The following GRAMD2B variants were observed in gnomAD, a reference collection of about 807,000 sequenced individuals.
The protein encoded by GRAMD2B is GRAM domain-containing protein 2B.
A neutral mutation model predicts 59.2 loss-of-function variants in GRAMD2B; 41 were observed. The observed-to-expected ratio is 0.69, with a 90% CI of 0.54 to 0.90. The LOEUF is 0.90. GRAMD2B is among the 40% of genes least tolerant of loss of function. The pLI is 0.00. For missense variants in GRAMD2B, 424 were observed against 500.5 expected, an observed-to-expected ratio of 0.85 and a Z score of 1.46; for synonymous variants, 161 against 182.7, an observed-to-expected ratio of 0.88 and a Z score of 0.96.
chr5:126,376,026 G>A (rs1385005455), intron 1 of GRAMD2B, among the ~76,000 whole-genome samples: 3 of 152,170 alleles, frequency 2.0e-5, no homozygotes, highest in East Asian at 3.8e-4. Context: ...TTGCTGTAAC[G>A]TCTATAGGTA....
At chr5:126,376,127 GC>G (rs1279527314) in intron 1 of GRAMD2B, among the ~76,000 whole-genome samples, 2 of 152,230 alleles carry the variant, frequency 1.3e-5, no homozygotes, top group African/African-American at 4.8e-5. Flanking sequence ...GGATCAAGAA[GC>G]TTTTGGAGAT....
exon 1 of GRAMD2B, chr5:126,360,230 C>A: frequency 7.2e-7 from 1 of 1,380,682 alleles, no homozygotes; most frequent in Non-Finnish European, 9.9e-7. Flanking sequence ...GAAAAGCACA[C>A]CAACTGGCTC....
intron 1 of GRAMD2B, among the ~76,000 whole-genome samples, chr5:126,410,315 C>T (rs2149755770): frequency 6.6e-6 from 1 of 151,808 alleles, no homozygotes; most frequent in East Asian, 1.9e-4. Context: ...TTCTTCCTAC[C>T]CATGAGCATG....
chr5:126,396,103 T>C (rs1343201014), intron 1 of GRAMD2B, among the ~76,000 whole-genome samples: 1 of 152,202 alleles, frequency 6.6e-6, no homozygotes, highest in Non-Finnish European at 1.5e-5. Flanking sequence ...AGGTGTTAGG[T>C]AATATCTCAT....
chr5:126,418,429 T>G (rs1049237095), upstream of GRAMD2B, among the ~76,000 whole-genome samples: 34 of 152,240 alleles, frequency 2.2e-4, no homozygotes, highest in African/African-American at 7.0e-4. Flanking sequence ...AAAACTATCC[T>G]CTGGCCCCTG....
chr5:126,476,991 C>G (rs1214676604), intron 5 of GRAMD2B, among the ~76,000 whole-genome samples: 1 of 152,168 alleles, frequency 6.6e-6, no homozygotes, highest in Non-Finnish European at 1.5e-5. Flanking sequence ...CATGTAGATA[C>G]AGGTTGAGAA....
At chr5:126,404,046 T>A (rs770845220) in intron 1 of GRAMD2B, among the ~76,000 whole-genome samples, 2 of 151,912 alleles carry the variant, frequency 1.3e-5, no homozygotes, top group Non-Finnish European at 2.9e-5. Flanking sequence ...TTTTAGAAGG[T>A]TTGTCACAAA....
chr5:126,392,100 A>G (rs1246525287), intron 1 of GRAMD2B, among the ~76,000 whole-genome samples: 1 of 152,156 alleles, frequency 6.6e-6, no homozygotes, highest in East Asian at 1.9e-4. Flanking sequence ...ATTTTATCTG[A>G]CATTTAAGTT....
In GRAMD2B at chr5:126,403,431, C is replaced by T. The variant is rs150543264; in HGVS notation, c.125+31864C>T. Among the ~76,000 whole-genome samples, 555 of 152,104 alleles carry T rather than the reference C, an allele frequency of 3.6e-3. 9 individuals carry two copies. The highest frequency in any genetic ancestry group is 2.2e-3 in the Non-Finnish European group (147 of 67,918). On this transcript the variant is annotated intron_variant, in intron 1 of 8. Transcript: ENST00000506445. ...CCATGTGGAACACAATGCACTTCTA[C>T]GTTGGCTGTTGCCTGTACTATGCAG... is the stretch of plus-strand genomic sequence containing the variant.
upstream of GRAMD2B, chr5:126,423,098 GC>G: frequency 1.1e-6 from 1 of 912,200 alleles, no homozygotes; most frequent in South Asian, 4.9e-5. Context: ...AGCCCACACA[GC>G]GCATTTGTGT....
At chr5:126,463,031 A>G (rs1767655230) in intron 1 of GRAMD2B, among the ~76,000 whole-genome samples, 1 of 152,204 alleles carries the variant, frequency 6.6e-6, no homozygotes, top group African/African-American at 2.4e-5. Context: ...TTAAGCACTT[A>G]AGTCACCTGC....
At chr5:126,455,629 G>A (rs930121787) in intron 1 of GRAMD2B, among the ~76,000 whole-genome samples, 33 of 152,332 alleles carry the variant, frequency 2.2e-4, no homozygotes, top group Admixed American at 1.9e-3. Context: ...AGCACCAATG[G>A]CTGTGATGCA....
intron 1 of GRAMD2B, among the ~76,000 whole-genome samples, chr5:126,440,077 G>C (rs763390861): frequency 2.0e-4 from 31 of 151,824 alleles, no homozygotes; most frequent in Non-Finnish European, 3.7e-4. Flanking sequence ...TATGAAAATG[G>C]ACTAATACAG....
intron 13 of GRAMD2B, 126 bp downstream of exon 13, chr5:126,489,018 T>C (rs528770595): frequency 1.6e-5 from 9 of 551,142 alleles, no homozygotes; most frequent in Non-Finnish European, 2.9e-5. Context: ...TGATCAACCC[T>C]GGCTAGGGGC....
At chr5:126,478,124 A>G (rs1255932184) in intron 6 of GRAMD2B, among the ~76,000 whole-genome samples, 1 of 144,920 alleles carries the variant, frequency 6.9e-6, no homozygotes, top group African/African-American at 2.6e-5. Context: ...AGTTCCTTTA[A>G]TAATAGTCTT....
At chr5:126,365,503 G>A (rs973134201) in intron 1 of GRAMD2B, among the ~76,000 whole-genome samples, 1 of 152,162 alleles carries the variant, frequency 6.6e-6, no homozygotes, top group Non-Finnish European at 1.5e-5. Flanking sequence ...GAGGTCAAAT[G>A]TGTATGTTTT....
chr5:126,437,661 C>G (rs1762634031), intron 1 of GRAMD2B, among the ~76,000 whole-genome samples: 1 of 152,042 alleles, frequency 6.6e-6, no homozygotes, highest in Non-Finnish European at 1.5e-5. Flanking sequence ...TAAAACAAAA[C>G]AAAAACAACC....
intron 1 of GRAMD2B, among the ~76,000 whole-genome samples, chr5:126,408,786 C>T (rs1219183957): frequency 1.3e-4 from 20 of 149,550 alleles, no homozygotes; most frequent in Non-Finnish European, 2.7e-4. Flanking sequence ...TGTGCTGCAC[C>T]CATTAACTCG....
chr5:126,421,744 T>C (rs1759745805), upstream of GRAMD2B, among the ~76,000 whole-genome samples: 1 of 152,214 alleles, frequency 6.6e-6, no homozygotes, highest in African/African-American at 2.4e-5. Context: ...AAGAAAACTT[T>C]GGAAAGAACT....
Sources: allele counts gnomAD v4.1 joint callset (sites outside exome capture counted in the v4.1 genomes callset), GRCh38; gene constraint gnomAD v4.1.1; transcripts MANE v1.5; gene names NCBI Gene and HGNC (gene_info 2026-07-23, HGNC 2026-07-21).